Variants in SH3BGR observed in about 807,000 individuals in gnomAD.
The protein encoded by SH3BGR is SH3 domain-binding glutamic acid-rich protein.
In SH3BGR, 29 loss-of-function variants were observed where a neutral mutation model predicts 24.5. The observed-to-expected ratio is 1.18, with a 90% CI of 0.88 to 1.61. The LOEUF is 1.61. Among genes scored for constraint, SH3BGR ranks in the 40% most tolerant of loss-of-function variants. The pLI is 0.00. For missense variants in SH3BGR, 162 were observed against 205.8 expected (o/e 0.79, Z 1.30); for synonymous variants, 55 against 65.7 (o/e 0.84, Z 0.79).
rs1051191129 is a variant in SH3BGR at position 39,470,532 on chromosome 21, G to A, written c.232-4603G>A. Among the ~76,000 whole-genome samples, 48 of 152,186 alleles carry A rather than the reference G, an allele frequency of 3.2e-4. 2 individuals carry two copies. The highest frequency in any genetic ancestry group is 8.8e-5 in the Non-Finnish European group (6 of 68,036). On this transcript the variant is annotated intron_variant, in intron 2 of 6. Coordinates refer to ENST00000333634, the MANE Select transcript of SH3BGR (RefSeq NM_007341.3). ...CCACCTTGGCCTCCCAAAGTGCTGG[G>A]ATGACAGATGTGAGCCACCACACCC...
intron 1 of SH3BGR, among the ~76,000 whole-genome samples, chr21:39,457,879 C>T (rs539868905): frequency 2.6e-5 from 4 of 151,912 alleles, no homozygotes; most frequent in East Asian, 1.9e-4. Flanking sequence ...GAGCCAAGAT[C>T]GTGCCACTGC....
chr21:39,482,421 C>T (rs1332439456), intron 3 of SH3BGR, among the ~76,000 whole-genome samples: 1 of 152,138 alleles, frequency 6.6e-6, no homozygotes, highest in Non-Finnish European at 1.5e-5. Context: ...ATATTTATTG[C>T]AGGCAACTTG....
intron 3 of SH3BGR, among the ~76,000 whole-genome samples, chr21:39,487,177 C>T (rs551466675): frequency 2.6e-5 from 4 of 152,160 alleles, no homozygotes; most frequent in Non-Finnish European, 5.9e-5. Context: ...GGTTCTTGCT[C>T]TGTCTCCCAG....
intron 2 of SH3BGR, among the ~76,000 whole-genome samples, chr21:39,464,482 C>A (rs567439184): frequency 6.6e-6 from 1 of 152,294 alleles, no homozygotes; most frequent in East Asian, 1.9e-4. Flanking sequence ...CTTGGCCTCC[C>A]AAAGTGCTGG....
chr21:39,487,578 C>A (rs187543573), intron 3 of SH3BGR, among the ~76,000 whole-genome samples: 17 of 152,344 alleles, frequency 1.1e-4, no homozygotes, highest in Admixed American at 9.8e-4. Context: ...AACATTCCAA[C>A]AGCCAGACAA....
intron 4 of SH3BGR, among the ~76,000 whole-genome samples, chr21:39,503,418 T>A (rs8131962): frequency 0.52 from 78,674 of 151,332 alleles, 20,878 homozygotes; most frequent in East Asian, 0.67. Context: ...ACCTTTTTTT[T>A]AAAAAAACCT....
At chr21:39,486,152 T>G (rs1040537825) in intron 3 of SH3BGR, among the ~76,000 whole-genome samples, 1 of 152,218 alleles carries the variant, frequency 6.6e-6, no homozygotes, top group African/African-American at 2.4e-5. Context: ...AAGCAAAACA[T>G]GCTAACAAAA....
At chr21:39,470,585 TTA>T (rs2077922777) in intron 2 of SH3BGR, among the ~76,000 whole-genome samples, 1 of 152,198 alleles carries the variant, frequency 6.6e-6, no homozygotes, top group Non-Finnish European at 1.5e-5. Flanking sequence ...AAAAGGGCCT[TTA>T]GACACTTTCA....
At chr21:39,475,956 G>A (rs2078021026) in intron 3 of SH3BGR, among the ~76,000 whole-genome samples, 1 of 152,212 alleles carries the variant, frequency 6.6e-6, no homozygotes, top group South Asian at 2.1e-4. Flanking sequence ...AGACAGCTGA[G>A]TGAAGAAGTG....
chr21:39,450,084 ACTTT>A (rs2077556166), upstream of SH3BGR, among the ~76,000 whole-genome samples: 1 of 76,490 alleles, frequency 1.3e-5, no homozygotes, highest in South Asian at 4.4e-4. Flanking sequence ...ATATGCCCCC[ACTTT>A]CTTCAAGTAA....
intron 3 of SH3BGR, among the ~76,000 whole-genome samples, chr21:39,482,372 T>C (rs577077521): frequency 2.6e-5 from 4 of 152,346 alleles, no homozygotes; most frequent in Admixed American, 2.0e-4. Context: ...GCAATTAATA[T>C]GTTTTAAGAG....
intron 6 of SH3BGR, among the ~76,000 whole-genome samples, chr21:39,512,922 C>T (rs899241457): frequency 6.6e-6 from 1 of 152,194 alleles, no homozygotes; most frequent in East Asian, 1.9e-4. Flanking sequence ...ATATGATTGG[C>T]TTTGCAACTG....
chr21:39,479,024 T>G (rs2078073711), intron 3 of SH3BGR, among the ~76,000 whole-genome samples: 1 of 152,238 alleles, frequency 6.6e-6, no homozygotes, highest in South Asian at 2.1e-4. Context: ...TTTATTTTTA[T>G]GTAAGTTGTT....
At chr21:39,473,769 C>A (rs184265763) in intron 2 of SH3BGR, among the ~76,000 whole-genome samples, 95 of 151,892 alleles carry the variant, frequency 6.3e-4, no homozygotes, top group African/African-American at 2.1e-3. Context: ...CCTGTAATCC[C>A]AGCTACTCAG....
At chr21:39,492,885 A>G (rs1355208565) in intron 3 of SH3BGR, among the ~76,000 whole-genome samples, 1 of 152,096 alleles carries the variant, frequency 6.6e-6, no homozygotes, top group Non-Finnish European at 1.5e-5. Context: ...GATGTTGAGC[A>G]TTTTTGCATA....
intron 3 of SH3BGR, among the ~76,000 whole-genome samples, chr21:39,498,506 G>A (rs151125821): frequency 6.6e-6 from 1 of 152,290 alleles, no homozygotes; most frequent in East Asian, 1.9e-4. Flanking sequence ...ACTTAGTGAA[G>A]ATTAAGGATG....
intron 4 of SH3BGR, among the ~76,000 whole-genome samples, chr21:39,503,451 C>G (rs745325428): frequency 6.6e-6 from 1 of 152,032 alleles, no homozygotes; most frequent in Non-Finnish European, 1.5e-5. Flanking sequence ...GTGTTAAAAA[C>G]AATTGTCATG....
chr21:39,502,299 A>T (rs920292490), intron 4 of SH3BGR, among the ~76,000 whole-genome samples: 3 of 152,184 alleles, frequency 2.0e-5, no homozygotes, highest in Non-Finnish European at 1.5e-5. Context: ...GTGTGTTTTG[A>T]ACATTGATTT....
chr21:39,458,056 TAAGA>T (rs2077692450), intron 1 of SH3BGR, among the ~76,000 whole-genome samples: 2 of 152,358 alleles, frequency 1.3e-5, no homozygotes, highest in South Asian at 4.1e-4. Flanking sequence ...TACATGTCTC[TAAGA>T]AAGGAGTTGA....
Sources: gnomAD v4.1 joint callset for allele counts (sites outside exome capture counted in the v4.1 genomes callset) on GRCh38, gnomAD v4.1.1 for gene constraint, MANE v1.5 for transcripts, NCBI Gene and HGNC (gene_info 2026-07-23, HGNC 2026-07-21) for gene names.